The following TMCC1 variants were observed in gnomAD, a reference collection of about 807,000 sequenced individuals.
The protein encoded by TMCC1 is transmembrane and coiled-coil domains protein 1.
A neutral mutation model predicts 52.4 loss-of-function variants in TMCC1; 15 were observed. The ratio of observed to expected loss-of-function variants is 0.29; its 90% CI spans 0.19 to 0.44. TMCC1 has a LOEUF of 0.44. Ranked by LOEUF, TMCC1 falls within the 20% of genes least tolerant of loss-of-function variation. TMCC1 has a pLI of 1.00. For synonymous variants in TMCC1, 279 were observed against 301.9 expected (o/e 0.92, Z 0.79); for missense variants, 503 against 806.0 (o/e 0.62, Z 4.55).
At chr3:129,683,414 T>C (rs532638198) in intron 4 of TMCC1, among the ~76,000 whole-genome samples, 1 of 152,334 alleles carries the variant, frequency 6.6e-6, no homozygotes, top group South Asian at 2.1e-4. Context: ...ATTTTCTACA[T>C]GAAAAATCTG....
At chr3:129,663,356 C>G (rs2087190537) in intron 5 of TMCC1, among the ~76,000 whole-genome samples, 1 of 152,122 alleles carries the variant, frequency 6.6e-6, no homozygotes, top group Non-Finnish European at 1.5e-5. Flanking sequence ...GGAAAAACAC[C>G]CACAGGCAAC....
intron 2 of TMCC1, among the ~76,000 whole-genome samples, chr3:129,859,854 AAT>A (rs1577116764): frequency 1.3e-5 from 2 of 152,082 alleles, no homozygotes; most frequent in African/African-American, 4.8e-5. Flanking sequence ...GTGCTCAATA[AAT>A]ATATGTTTAA....
chr3:129,759,974 G>C (rs560842113), intron 4 of TMCC1, among the ~76,000 whole-genome samples: 2 of 151,906 alleles, frequency 1.3e-5, no homozygotes, highest in Admixed American at 1.3e-4. Flanking sequence ...ACCCGCCTCG[G>C]CCTCCCAAAG....
intron 4 of TMCC1, among the ~76,000 whole-genome samples, chr3:129,703,195 A>C (rs1576505138): frequency 6.6e-6 from 1 of 152,182 alleles, no homozygotes; most frequent in South Asian, 2.1e-4. Flanking sequence ...TGGTTCCAAA[A>C]ATTGTTTAAG....
At chr3:129,883,596 A>G (rs2061560918) in intron 1 of TMCC1, among the ~76,000 whole-genome samples, 1 of 152,270 alleles carries the variant, frequency 6.6e-6, no homozygotes, top group South Asian at 2.1e-4. Flanking sequence ...CCTGGGTGAC[A>G]GAGCGAGACG....
chr3:129,876,294 A>C (rs1438623394), intron 2 of TMCC1, among the ~76,000 whole-genome samples: 1 of 93,396 alleles, frequency 1.1e-5, no homozygotes, highest in African/African-American at 9.2e-5. Context: ...CTCAAAAAAA[A>C]AAAAAAAAAA....
intron 4 of TMCC1, among the ~76,000 whole-genome samples, chr3:129,705,162 C>T (rs567168748): frequency 6.6e-6 from 1 of 152,296 alleles, no homozygotes; most frequent in African/African-American, 2.4e-5. Flanking sequence ...GGCATTATTC[C>T]TACCCTTGAT....
At chr3:129,666,317 G>T (rs2087448220) in intron 5 of TMCC1, among the ~76,000 whole-genome samples, 1 of 152,208 alleles carries the variant, frequency 6.6e-6, no homozygotes, top group South Asian at 2.1e-4. Context: ...ACTAACCTGA[G>T]AGTATCACTC....
intron 4 of TMCC1, among the ~76,000 whole-genome samples, chr3:129,724,789 C>T (rs996486393): frequency 1.3e-5 from 2 of 152,026 alleles, no homozygotes; most frequent in Non-Finnish European, 1.5e-5. Context: ...CTATTCTAGA[C>T]CAAAAGTGAC....
At chr3:129,750,714 A>G (rs1454244918) in intron 4 of TMCC1, among the ~76,000 whole-genome samples, 1 of 149,130 alleles carries the variant, frequency 6.7e-6, no homozygotes, top group African/African-American at 2.5e-5. Flanking sequence ...AGCTGGGACT[A>G]CAGGGGCCTG....
rs958249618 is a variant in TMCC1 at position 129,860,604 on chromosome 3, A to T, written c.-184+19705T>A. Among the ~76,000 whole-genome samples, 178 of 146,036 alleles carry T rather than the reference A, an allele frequency of 1.2e-3. 4 individuals are homozygous for T. The East Asian group carries it at 0.028, about 23-fold the overall frequency. ...CATTTTCTATAACAAACACATTATT[A>T]TTTTTTTTTTTTTGAGATGGAGTCT... On this transcript the variant is annotated intron_variant, in intron 2 of 6. Transcript: ENST00000393238.
At chr3:129,702,922 A>G (rs190192475) in intron 4 of TMCC1, among the ~76,000 whole-genome samples, 40 of 152,310 alleles carry the variant, frequency 2.6e-4, no homozygotes, top group African/African-American at 8.9e-4. Context: ...AGGCTGAGGC[A>G]GGAGAATCGC....
chr3:129,862,004 T>C (rs1305455219), intron 2 of TMCC1, among the ~76,000 whole-genome samples: 2 of 152,212 alleles, frequency 1.3e-5, no homozygotes, highest in Non-Finnish European at 2.9e-5. Flanking sequence ...ATATTCTCCA[T>C]ACCATGGAAT....
intron 4 of TMCC1, among the ~76,000 whole-genome samples, chr3:129,716,498 CT>C (rs1315124335): frequency 7.0e-6 from 1 of 141,980 alleles, no homozygotes; most frequent in African/African-American, 2.8e-5. Flanking sequence ...CCACACCCAG[CT>C]AATTTTTTTT....
At chr3:129,745,743 C>T (rs2051888009) in intron 4 of TMCC1, among the ~76,000 whole-genome samples, 2 of 151,812 alleles carry the variant, frequency 1.3e-5, no homozygotes, top group Admixed American at 1.3e-4. Context: ...GGGTGGATCA[C>T]CTGAAGTCAG....
At chr3:129,676,714 G>A (rs1005648574) in intron 4 of TMCC1, among the ~76,000 whole-genome samples, 1 of 152,182 alleles carries the variant, frequency 6.6e-6, no homozygotes, top group Non-Finnish European at 1.5e-5. Flanking sequence ...AGAAGACCTA[G>A]GTTCAAACCT....
At position 129,650,710 on chromosome 3, in the gene TMCC1, G is replaced by A. The variant is rs1158590126; in HGVS notation, c.*771C>T. ...TTTGAGTATTACATTCTTCAAGTAT[G>A]CTGTTCGGATTTTTTATTTTTAGGT... On this transcript the variant is annotated 3_prime_UTR_variant, in exon 7 of 7. Transcript: ENST00000393238. The A allele has an allele frequency of 1.3e-5, 2 of 152,568 alleles. No individual in the cohort carries two copies. Among genetic ancestry groups the A allele is most frequent in the Non-Finnish European group, 2.9e-5 (2 of 68,046 alleles). The allele number at this position is 152,568 out of a possible 1,614,324, so 9.5% of individuals were successfully genotyped here. A position where few individuals can be genotyped will look rare whatever the true frequency, so the allele number is the denominator to read the frequency against.
chr3:129,813,792 A>G (rs1477011206), intron 4 of TMCC1, among the ~76,000 whole-genome samples: 1 of 152,016 alleles, frequency 6.6e-6, no homozygotes, highest in Non-Finnish European at 1.5e-5. Context: ...TCCTGAACCT[A>G]AAATAAAAGT....
At position 129,836,272 on chromosome 3, in the gene TMCC1, T is replaced by A. The variant is rs147050786; in HGVS notation, c.-183-3446A>T. Among the ~76,000 whole-genome samples, 147 of 152,278 alleles carry A rather than the reference T, an allele frequency of 9.7e-4. 1 individual carries two copies. The highest frequency in any genetic ancestry group is 1.8e-3 in the Non-Finnish European group (122 of 68,014). On this transcript the variant is annotated intron_variant, in intron 2 of 6. Coordinates refer to ENST00000393238, the MANE Select transcript of TMCC1 (RefSeq NM_001017395.5). ...TCCATAATCATAATAAATTTTGTAT[T>A]CTTCTCAGTAGGTGATAGAACAAAT...
Sources: allele counts gnomAD v4.1 joint callset (sites outside exome capture counted in the v4.1 genomes callset), GRCh38; gene constraint gnomAD v4.1.1; transcripts MANE v1.5; gene names NCBI Gene and HGNC (gene_info 2026-07-23, HGNC 2026-07-21).